Variants in STAG1 observed in about 807,000 individuals in gnomAD.
STAG1 encodes STAG1 cohesin complex component, also known as cohesin subunit SA-1.
Under a neutral mutation model 170.9 loss-of-function variants are expected in STAG1, and 26 were observed. The ratio of observed to expected loss-of-function variants is 0.15; its 90% CI spans 0.11 to 0.21. The LOEUF is 0.21. Ranked by LOEUF, STAG1 falls within the 10% of genes least tolerant of loss-of-function variation. The pLI is 1.00. For missense variants in STAG1, 964 were observed against 1,509.5 expected (o/e 0.64, Z 5.99); for synonymous variants, 514 against 497.7 (o/e 1.03, Z -0.44).
At chr3:136,575,651 A>G (rs541267091) in intron 4 of STAG1, among the ~76,000 whole-genome samples, 1 of 152,340 alleles carries the variant, frequency 6.6e-6, no homozygotes, top group East Asian at 1.9e-4. Flanking sequence ...GAACATCTGA[A>G]TCACAGATTA....
At chr3:136,736,563 T>C in intron 1 of STAG1, 1 of 1,511,204 alleles carries the variant, frequency 6.6e-7, no homozygotes. Flanking sequence ...TTTCTTCCCC[T>C]TTGTATTGGC....
chr3:136,521,290 A>T lies in STAG1; in HGVS notation c.599T>A (p.Met200Lys). The T allele has an allele frequency of 6.2e-7, 1 of 1,613,828 alleles. No homozygotes were observed. Among genetic ancestry groups the T allele is most frequent in the Non-Finnish European group, 8.5e-7 (1 of 1,179,804 alleles). The change falls in exon 7 of 34, where the codon ATG becomes AAG. Residue 200 changes from methionine to lysine, a missense_variant. By Grantham distance (95) the Met-to-Lys change is moderately conservative. This residue lies in a region of STAG1 where 40 missense variants were observed against 44.1 expected (regional missense o/e 0.91). Transcript: ENST00000383202. ...CGTCAAAAGGGAGATTACTGTGTCC[A>T]TCATATACTCATCATAAATTATGCT... ...QYSIIYDEYM[M>K]DTVISLLTGL...
chr3:136,479,540 G>T (rs1254676075), intron 9 of STAG1, among the ~76,000 whole-genome samples: 1 of 63,774 alleles, frequency 1.6e-5, no homozygotes, highest in African/African-American at 4.9e-5. Flanking sequence ...ATAAACATAC[G>T]TGTGCATGTG....
chr3:136,517,063 T>G (rs1035000529), intron 7 of STAG1, among the ~76,000 whole-genome samples: 39 of 152,318 alleles, frequency 2.6e-4, no homozygotes, highest in African/African-American at 8.7e-4. Context: ...AGTCTGGAGA[T>G]GCTGATTCTA....
At chr3:136,633,468 G>A (rs941577307) in intron 1 of STAG1, among the ~76,000 whole-genome samples, 1 of 152,054 alleles carries the variant, frequency 6.6e-6, no homozygotes, top group East Asian at 1.9e-4. Context: ...TGGAGGCTGA[G>A]GCAGGTGGAT....
chr3:136,451,869 C>G (rs2088952406), intron 14 of STAG1, among the ~76,000 whole-genome samples, 164 bp downstream of exon 14: 1 of 151,970 alleles, frequency 6.6e-6, no homozygotes, highest in Non-Finnish European at 1.5e-5. Flanking sequence ...TTCAGAACAC[C>G]TTTCCACAAA....
intron 9 of STAG1, among the ~76,000 whole-genome samples, chr3:136,487,941 A>C (rs1352699565): frequency 1.3e-5 from 2 of 152,220 alleles, no homozygotes; most frequent in Non-Finnish European, 2.9e-5. Flanking sequence ...GTGATGAGTA[A>C]CTAGAGCTTT....
At chr3:136,598,565 T>G (rs1487113817) in intron 4 of STAG1, among the ~76,000 whole-genome samples, 1 of 152,100 alleles carries the variant, frequency 6.6e-6, no homozygotes, top group Non-Finnish European at 1.5e-5. Flanking sequence ...TAGCTGGGAC[T>G]ATAGGCGCCC....
intron 1 of STAG1, among the ~76,000 whole-genome samples, chr3:136,633,678 C>G (rs1438330191): frequency 9.2e-6 from 1 of 109,190 alleles, no homozygotes; most frequent in Non-Finnish European, 1.7e-5. Context: ...CCAACCTGGA[C>G]AACAGAGCAA....
intron 4 of STAG1, among the ~76,000 whole-genome samples, chr3:136,584,403 G>A (rs1937704264): frequency 6.6e-6 from 1 of 152,136 alleles, no homozygotes. Flanking sequence ...CTGTCTCCTA[G>A]CTATTAACTA....
At chr3:136,529,694 G>C (rs1935269879) in intron 6 of STAG1, among the ~76,000 whole-genome samples, 1 of 151,978 alleles carries the variant, frequency 6.6e-6, no homozygotes, top group South Asian at 2.1e-4. Flanking sequence ...TTACCATGAA[G>C]AAAACACACA....
intron 20 of STAG1, among the ~76,000 whole-genome samples, chr3:136,419,146 A>G (rs958039545): frequency 5.3e-5 from 8 of 152,188 alleles, no homozygotes; most frequent in African/African-American, 1.9e-4. Context: ...TTATATTCTC[A>G]TGGGCTCTAC....
intron 32 of STAG1, among the ~76,000 whole-genome samples, chr3:136,339,459 G>A (rs1253570750): frequency 6.6e-6 from 1 of 152,130 alleles, no homozygotes; most frequent in African/African-American, 2.4e-5. Context: ...GGAGGCAGAG[G>A]TTGCAGTGAG....
At chr3:136,413,092 G>A (rs2087671651) in intron 21 of STAG1, among the ~76,000 whole-genome samples, 1 of 151,138 alleles carries the variant, frequency 6.6e-6, no homozygotes, top group African/African-American at 2.4e-5. Context: ...TCGAACTCCT[G>A]ACCTCAAGTG....
intron 7 of STAG1, among the ~76,000 whole-genome samples, chr3:136,515,916 A>G (rs541838667): frequency 2.6e-4 from 39 of 152,332 alleles, no homozygotes; most frequent in Admixed American, 1.4e-3. Context: ...TAAAGATTTT[A>G]TATCTGGAGG....
At chr3:136,569,964 C>T (rs1559884435) in intron 4 of STAG1, among the ~76,000 whole-genome samples, 2 of 152,188 alleles carry the variant, frequency 1.3e-5, no homozygotes, top group South Asian at 4.1e-4. Context: ...TTCCAGTTTG[C>T]ATTCCAGTGG....
intron 4 of STAG1, among the ~76,000 whole-genome samples, chr3:136,598,165 T>C (rs1226218944): frequency 6.6e-6 from 1 of 152,216 alleles, no homozygotes; most frequent in African/African-American, 2.4e-5. Flanking sequence ...TTTCTTAGAC[T>C]CAAATATTTG....
rs1440621032 is a variant in STAG1 at position 136,605,701 on chromosome 3, A to T, written c.133-1228T>A. ...TACCAATTTATGGTCTCTCATCTCC[A>T]ATGAGATAAGTGTCTCCAATGAGAG... On this transcript the variant is annotated intron_variant, in intron 3 of 33. Transcript: ENST00000383202. Among the ~76,000 whole-genome samples the T allele has an allele frequency of 1.3e-5, 2 of 152,180 alleles. 1 individual carries two copies. Among genetic ancestry groups the T allele is most frequent in the East Asian group, 3.8e-4 (2 of 5,202 alleles).
chr3:136,585,763 T>C (rs968416339), intron 4 of STAG1, among the ~76,000 whole-genome samples: 19 of 152,130 alleles, frequency 1.2e-4, no homozygotes, highest in Admixed American at 6.5e-4. Flanking sequence ...TAAACAAATC[T>C]CTTTTGTCTT....
Sources: allele counts gnomAD v4.1 joint callset (sites outside exome capture counted in the v4.1 genomes callset), GRCh38; gene constraint gnomAD v4.1.1; regional missense constraint gnomAD v4.1.1; transcripts MANE v1.5; gene names NCBI Gene and HGNC (gene_info 2026-07-23, HGNC 2026-07-21).